Variants in CTNND2 observed in about 807,000 individuals in gnomAD.
CTNND2 encodes the protein catenin delta 2.
CTNND2 carries 22 observed loss-of-function variants against 144.4 expected under a neutral mutation model. The ratio of observed to expected loss-of-function variants is 0.15; its 90% CI spans 0.11 to 0.22. CTNND2 has a LOEUF of 0.22. CTNND2 is among the 10% of genes least tolerant of loss of function. The pLI, the probability that CTNND2 is intolerant of heterozygous loss-of-function variation, is 1.00. For synonymous variants in CTNND2, 751 were observed against 695.6 expected (o/e 1.08, Z -1.25); for missense variants, 1,353 against 1,618.8 (o/e 0.84, Z 2.82).
rs369125324 is a variant in CTNND2, at chr5:11,447,839, G to A, written c.288-35770C>T. On this transcript the variant is annotated intron_variant, in intron 3 of 21. Coordinates refer to ENST00000304623, the MANE Select transcript of CTNND2 (RefSeq NM_001332.4). The stretch of plus-strand genomic sequence containing the variant: ...CTGAATACATTTCAAAGAATAGTGG[G>A]AACTGAAGAAAATTGCTTTGTGATC... 1.7e-3 allele frequency among the ~76,000 whole-genome samples: 255 copies of A among 152,308 alleles called. 2 individuals carry two copies. Among genetic ancestry groups the A allele is most frequent in the African/African-American group, 5.9e-3 (246 of 41,576 alleles).
intron 9 of CTNND2, among the ~76,000 whole-genome samples, chr5:11,271,084 C>T (rs115907325): frequency 0.015 from 2,268 of 152,210 alleles, 58 homozygotes; most frequent in African/African-American, 0.052. Flanking sequence ...CACATACACC[C>T]AACACACACC....
chr5:11,902,979 AC>A (rs1397087317), intron 1 of CTNND2: 1 of 160,322 alleles, frequency 6.2e-6, no homozygotes, highest in African/African-American at 2.4e-5. Flanking sequence ...AGGCTGCATC[AC>A]CTTTCTAGTG....
chr5:11,461,559 T>C (rs1766226446), intron 3 of CTNND2, among the ~76,000 whole-genome samples: 1 of 152,150 alleles, frequency 6.6e-6, no homozygotes, highest in African/African-American at 2.4e-5. Flanking sequence ...AGACCCCAGC[T>C]GAAGCTTGCT....
At chr5:11,032,680 G>A (rs1474987647) in intron 16 of CTNND2, among the ~76,000 whole-genome samples, 2 of 152,048 alleles carry the variant, frequency 1.3e-5, no homozygotes. Flanking sequence ...ATACTACTTA[G>A]CAATCAAAAG....
Position 11,276,371 on chromosome 5 carries a change from T to A in CTNND2, c.1629-39548A>T, listed in dbSNP as rs559672009. Among the ~76,000 whole-genome samples, 24 of 152,310 alleles carry A rather than the reference T, an allele frequency of 1.6e-4. No individual in the cohort carries two copies. In the South Asian group the frequency reaches 4.8e-3, roughly 30 times the overall value. On this transcript the variant is annotated intron_variant, in intron 9 of 21. Coordinates refer to ENST00000304623, the MANE Select transcript of CTNND2 (RefSeq NM_001332.4). ...GCATCCCCAAATCAGCCACTCCTCC[T>A]TGAAGCACTCTCTTCTGAAAACCCA...
chr5:11,708,512 G>A (rs1349091130), intron 2 of CTNND2, among the ~76,000 whole-genome samples: 3 of 152,072 alleles, frequency 2.0e-5, no homozygotes, highest in Admixed American at 1.3e-4. Context: ...TTTATTTACA[G>A]GATACTAATC....
At chr5:11,777,325 T>TAG (rs1790311802) in intron 1 of CTNND2, among the ~76,000 whole-genome samples, 3 of 152,234 alleles carry the variant, frequency 2.0e-5, no homozygotes, top group Admixed American at 2.0e-4. Context: ...TGCCCATGAC[T>TAG]AGAACCATCA....
chr5:11,174,762 G>A (rs1580492418), intron 11 of CTNND2, among the ~76,000 whole-genome samples: 3 of 152,312 alleles, frequency 2.0e-5, no homozygotes, highest in African/African-American at 4.8e-5. Context: ...GTCAAGGCAG[G>A]AGCAACATCA....
intron 16 of CTNND2, among the ~76,000 whole-genome samples, chr5:11,079,488 A>G (rs1224100599): frequency 6.6e-6 from 1 of 152,184 alleles, no homozygotes; most frequent in Non-Finnish European, 1.5e-5. Context: ...ATCTTTCTCC[A>G]GGAGATCAAT....
intron 16 of CTNND2, among the ~76,000 whole-genome samples, chr5:11,044,541 A>ATACATATAT (rs767336244): frequency 3.4e-5 from 3 of 88,940 alleles, no homozygotes; most frequent in African/African-American, 1.8e-4. Flanking sequence ...AAAAAAAAAA[A>ATACATATAT]ATACATATAT....
chr5:11,599,128 T>A, intron 2 of CTNND2, among the ~76,000 whole-genome samples: 1 of 152,124 alleles, frequency 6.6e-6, no homozygotes, highest in Middle Eastern at 3.2e-3. Context: ...ACCACCCCCA[T>A]GATCCAGTCA....
intron 9 of CTNND2, among the ~76,000 whole-genome samples, chr5:11,320,176 A>T (rs1448771216): frequency 1.3e-5 from 2 of 152,230 alleles, no homozygotes; most frequent in African/African-American, 4.8e-5. Context: ...AAGGAAATTA[A>T]ATCGATGCTC....
intron 16 of CTNND2, among the ~76,000 whole-genome samples, chr5:11,074,464 T>C (rs1417016244): frequency 6.6e-6 from 1 of 152,194 alleles, no homozygotes; most frequent in African/African-American, 2.4e-5. Context: ...TTTGTAACCA[T>C]TTGTCATTGA....
chr5:11,672,544 A>G (rs868481720), intron 2 of CTNND2, among the ~76,000 whole-genome samples: 6 of 152,232 alleles, frequency 3.9e-5, no homozygotes, highest in Middle Eastern at 3.4e-3. Context: ...CACCTGGTTC[A>G]AACTTCCTGG....
intron 12 of CTNND2, among the ~76,000 whole-genome samples, chr5:11,147,157 G>A (rs139112503): frequency 1.3e-5 from 2 of 152,300 alleles, no homozygotes; most frequent in Admixed American, 6.5e-5. Context: ...AGACATGATC[G>A]TCATGTACGT....
intron 6 of CTNND2, among the ~76,000 whole-genome samples, chr5:11,386,859 T>C (rs1237920280): frequency 6.6e-6 from 1 of 152,114 alleles, no homozygotes; most frequent in African/African-American, 2.4e-5. Flanking sequence ...ATGTGGAGGA[T>C]GGGTAACGAA....
chr5:11,891,022 C>T (rs1736914940), intron 1 of CTNND2, among the ~76,000 whole-genome samples: 1 of 152,184 alleles, frequency 6.6e-6, no homozygotes, highest in African/African-American at 2.4e-5. Context: ...AGCCAGGAGC[C>T]TGCTGCAGAA....
chr5:11,851,809 C>G (rs1001675975), intron 1 of CTNND2, among the ~76,000 whole-genome samples: 13 of 152,144 alleles, frequency 8.5e-5, no homozygotes, highest in African/African-American at 3.1e-4. Context: ...AAATTCTAAG[C>G]TTTGATTTTC....
intron 10 of CTNND2, among the ~76,000 whole-genome samples, chr5:11,232,898 G>T (rs1328118975): frequency 6.6e-6 from 1 of 152,204 alleles, no homozygotes; most frequent in Non-Finnish European, 1.5e-5. Context: ...ATTGGATCAT[G>T]TGGGCGGTTC....
Sources: gnomAD v4.1 joint callset for allele counts (sites outside exome capture counted in the v4.1 genomes callset) on GRCh38, gnomAD v4.1.1 for gene constraint, MANE v1.5 for transcripts, NCBI Gene and HGNC (gene_info 2026-07-23, HGNC 2026-07-21) for gene names.